Variants in ULK4 observed in about 807,000 individuals in gnomAD.
The protein encoded by ULK4 is unc-51 like kinase 4.
A neutral mutation model predicts 160.6 loss-of-function variants in ULK4; 133 were observed. The observed-to-expected ratio is 0.83, with a 90% CI of 0.72 to 0.96. ULK4 has a LOEUF of 0.96. ULK4 is among the 40% of genes least tolerant of loss of function. The pLI is 0.00. For synonymous variants in ULK4, 534 were observed against 539.8 expected, an observed-to-expected ratio of 0.99 and a Z score of 0.15; for missense variants, 1,580 against 1,499.5, an observed-to-expected ratio of 1.05 and a Z score of -0.89.
chr3:41,479,785 C>T (rs2084257744), intron 32 of ULK4, among the ~76,000 whole-genome samples: 1 of 152,128 alleles, frequency 6.6e-6, no homozygotes, highest in Non-Finnish European at 1.5e-5. Context: ...AATATGGCAA[C>T]AATTTCTCCC....
At chr3:41,627,403 A>G (rs1159415971) in intron 30 of ULK4, among the ~76,000 whole-genome samples, 3 of 152,172 alleles carry the variant, frequency 2.0e-5, no homozygotes, top group Non-Finnish European at 4.4e-5. Context: ...TCTACTCATA[A>G]AAAGAGTAGA....
At chr3:41,865,861 C>G (rs879808457) in intron 17 of ULK4, among the ~76,000 whole-genome samples, 10 of 151,996 alleles carry the variant, frequency 6.6e-5, no homozygotes, top group Non-Finnish European at 1.5e-4. Context: ...GAGAAAAACT[C>G]TGTGACCTTG....
chr3:41,340,902 T>G (rs1005477768), intron 35 of ULK4, among the ~76,000 whole-genome samples: 1 of 152,094 alleles, frequency 6.6e-6, no homozygotes, highest in Non-Finnish European at 1.5e-5. Flanking sequence ...ATGGATGGGG[T>G]TGGGGTGGAC....
At chr3:41,635,562 C>A (rs934549246) in intron 30 of ULK4, among the ~76,000 whole-genome samples, 4 of 152,000 alleles carry the variant, frequency 2.6e-5, no homozygotes, top group African/African-American at 7.2e-5. Context: ...TGTCTTTTTT[C>A]TACTTATACA....
chr3:41,433,325 A>T (rs2082956477), intron 34 of ULK4, among the ~76,000 whole-genome samples: 2 of 152,218 alleles, frequency 1.3e-5, no homozygotes, highest in Non-Finnish European at 2.9e-5. Flanking sequence ...AAAATGTTAC[A>T]ATTTCAGAAA....
chr3:41,258,746 A>G (rs1488878303), intron 35 of ULK4, among the ~76,000 whole-genome samples: 1 of 152,102 alleles, frequency 6.6e-6, no homozygotes, highest in African/African-American at 2.4e-5. Context: ...CCATTATCTC[A>G]TGCTGCTAAG....
chr3:41,735,541 G>A (rs1310124885), intron 22 of ULK4, among the ~76,000 whole-genome samples: 1 of 151,812 alleles, frequency 6.6e-6, no homozygotes, highest in Non-Finnish European at 1.5e-5. Flanking sequence ...GTATATTACT[G>A]GAATAACATG....
At chr3:41,713,499 T>C (rs2037170708) in intron 25 of ULK4, among the ~76,000 whole-genome samples, 1 of 151,934 alleles carries the variant, frequency 6.6e-6, no homozygotes, top group Admixed American at 6.6e-5. Flanking sequence ...ATAAGAAAAA[T>C]AATTCAAGAA....
At position 41,900,724 on chromosome 3, in the gene ULK4, C is replaced by T. The variant is rs1351505774; in HGVS notation, c.1287+1G>A. 6.2e-7 allele frequency: 1 copy of T among 1,612,360 alleles called. No homozygotes were observed. The highest frequency in any genetic ancestry group is 8.5e-7 in the Non-Finnish European group (1 of 1,179,028). ...TCAGTTGTTAGAGTGTCTTTCTGCA[C>T]CTTTGGATTGTCGATAATGGGGGTG... is the stretch of plus-strand genomic sequence containing the variant. On this transcript the variant is annotated splice_donor_variant, in intron 13 of 36. Coordinates refer to ENST00000301831, the MANE Select transcript of ULK4 (RefSeq NM_017886.4). LOFTEE classifies it high-confidence loss of function.
At chr3:41,918,364 A>C (rs1242359349) in intron 7 of ULK4, 93 bp downstream of exon 7, 1 of 729,262 alleles carries the variant, frequency 1.4e-6, no homozygotes, top group African/African-American at 1.8e-5. Flanking sequence ...AACTTTGGGG[A>C]GTTATGAATC....
intron 35 of ULK4, among the ~76,000 whole-genome samples, chr3:41,364,234 G>A (rs1034577379): frequency 9.2e-5 from 14 of 152,064 alleles, no homozygotes; most frequent in Admixed American, 5.9e-4. Flanking sequence ...TGCTGCACCC[G>A]GCCCAAGCCT....
chr3:41,950,708 A>T (rs1700263090), intron 2 of ULK4, among the ~76,000 whole-genome samples: 1 of 152,078 alleles, frequency 6.6e-6, no homozygotes, highest in African/African-American at 2.4e-5. Context: ...ATACATTAAC[A>T]AATGTACAAT....
chr3:41,362,767 A>C (rs1559545417), intron 35 of ULK4, among the ~76,000 whole-genome samples: 1 of 152,228 alleles, frequency 6.6e-6, no homozygotes, highest in Non-Finnish European at 1.5e-5. Context: ...TTTGAAGAAA[A>C]CTGTTTCCCA....
At chr3:41,753,490 T>C (rs2125897107) in intron 22 of ULK4, among the ~76,000 whole-genome samples, 1 of 152,216 alleles carries the variant, frequency 6.6e-6, no homozygotes, top group South Asian at 2.1e-4. Flanking sequence ...GTTCAGAAGG[T>C]GTTAATCAGA....
intron 17 of ULK4, among the ~76,000 whole-genome samples, chr3:41,852,864 G>C (rs905283151): frequency 6.6e-6 from 1 of 152,080 alleles, no homozygotes; most frequent in African/African-American, 2.4e-5. Flanking sequence ...AAATGAACCA[G>C]CCTGCAACAG....
chr3:41,338,137 A>G (rs977716500), intron 35 of ULK4, among the ~76,000 whole-genome samples: 3 of 152,212 alleles, frequency 2.0e-5, no homozygotes, highest in African/African-American at 7.2e-5. Flanking sequence ...AAGGAAGTAA[A>G]TAAGAAGAGA....
At chr3:41,698,759 G>A (rs145075932) in intron 27 of ULK4, among the ~76,000 whole-genome samples, 5 of 152,134 alleles carry the variant, frequency 3.3e-5, no homozygotes, top group East Asian at 1.9e-4. Context: ...ACATACTCAC[G>A]TAAGTAGCAC....
intron 17 of ULK4, among the ~76,000 whole-genome samples, chr3:41,858,985 A>G (rs1379266324): frequency 6.6e-6 from 1 of 152,164 alleles, no homozygotes; most frequent in Non-Finnish European, 1.5e-5. Flanking sequence ...AGCAGTTTCT[A>G]AACACTTCAT....
At chr3:41,717,607 A>G in intron 23 of ULK4, 121 bp downstream of exon 23, 1 of 1,240,828 alleles carries the variant, frequency 8.1e-7, no homozygotes. Flanking sequence ...TATTCGTTAA[A>G]AAGTGTCTGC....
Sources: allele counts gnomAD v4.1 joint callset (sites outside exome capture counted in the v4.1 genomes callset), GRCh38; gene constraint gnomAD v4.1.1; transcripts MANE v1.5; gene names NCBI Gene and HGNC (gene_info 2026-07-23, HGNC 2026-07-21).